Variants in DNAJC14 observed in about 807,000 individuals in gnomAD.
DNAJC14 encodes the protein dnaJ homolog subfamily C member 14.
Under a neutral mutation model 68.8 loss-of-function variants are expected in DNAJC14, and 12 were observed. The observed-to-expected ratio is 0.17, with a 90% confidence interval of 0.11 to 0.28. The LOEUF is 0.28. Among genes scored for constraint, DNAJC14 ranks in the 10% least tolerant of loss-of-function variants. The probability of loss-of-function intolerance (pLI) is 1.00; values close to 1 mark genes in which losing one functional copy is unlikely to be tolerated. For missense variants in DNAJC14, 764 were observed against 875.6 expected, an observed-to-expected ratio of 0.87 and a Z score of 1.61; for synonymous variants, 350 against 321.5, an observed-to-expected ratio of 1.09 and a Z score of -0.95.
chr12:55,822,234 G>A (rs1260037509), intron 6 of DNAJC14, 47 bp from the exon 7 acceptor site: 2 of 1,537,222 alleles, frequency 1.3e-6, no homozygotes, highest in Non-Finnish European at 1.8e-6. Flanking sequence ...AGAGTCATAT[G>A]GTTACCTAAG....
intron 2 of DNAJC14, among the ~76,000 whole-genome samples, chr12:55,825,542 CTTTTTT>C (rs11375162): frequency 8.2e-6 from 1 of 122,050 alleles, no homozygotes; most frequent in African/African-American, 3.1e-5. Context: ...TGCACACCCT[CTTTTTT>C]TTTTTTTTTT....
upstream of DNAJC14, chr12:55,829,704 C>G: frequency 1.4e-6 from 1 of 725,080 alleles, no homozygotes; most frequent in South Asian, 6.2e-5. Flanking sequence ...GCAAGCCAAT[C>G]CAGCTAGGGC....
In DNAJC14 at chr12:55,822,123, G is replaced by T. The variant is rs774832718; in HGVS notation, c.1963C>A (p.Pro655Thr). 5 of 1,610,114 alleles carry T rather than the reference G, an allele frequency of 3.1e-6. No homozygotes were observed. The highest frequency in any genetic ancestry group is 4.2e-6 in the Non-Finnish European group (5 of 1,178,736). ...AAGTTCCCATTGGGCATCTGCCCTG[G>T]GGGTACTTGAAAGATCCGACTCAAG... ...DFLSRIFQVP[P>T]GQMPNGNFFA... The change falls in exon 7 of 7, where the codon CCA (proline) becomes ACA (threonine). Residue 655 changes from proline to threonine, a missense_variant. By Grantham distance (38) the Pro-to-Thr change is conservative. Around this residue, in one of 4 missense-constraint regions of DNAJC14, gnomAD observed 134 missense variants for 162.3 expected, o/e 0.83. Coordinates refer to ENST00000678005, the MANE Select transcript of DNAJC14 (RefSeq NM_032364.6).
upstream of DNAJC14, chr12:55,829,694 G>A (rs1457939832): frequency 8.4e-5 from 69 of 825,810 alleles, no homozygotes; most frequent in Non-Finnish European, 9.9e-5. Context: ...TGGCTGAGAG[G>A]CAAGCCAATC....
Position 55,828,613 on chromosome 12 carries a change from G to C in DNAJC14, c.46C>G (p.His16Asp), listed in dbSNP as rs1026992657. 2 of 1,614,118 alleles carry C rather than the reference G, an allele frequency of 1.2e-6. No homozygotes were observed. The highest frequency in any genetic ancestry group is 1.7e-6 in the Non-Finnish European group (2 of 1,179,994). ...PGERGLYGAH[H>D]SGGASLRTLG... ...GTCCTGAGGGAGGCACCACCACTGT[G>C]GTGGGCTCCATACAACCCTCTTTCT... is the stretch of plus-strand genomic sequence containing the variant. The change falls in exon 2 of 7, where the codon CAC becomes GAC. Residue 16 changes from histidine to aspartate, a missense_variant. Coordinates refer to ENST00000678005, the MANE Select transcript of DNAJC14 (RefSeq NM_032364.6).
chr12:55,829,173 A>G (rs996235165), intron 1 of DNAJC14: 1 of 985,936 alleles, frequency 1.0e-6, no homozygotes, highest in African/African-American at 1.7e-5. Context: ...GTGGCCGGGC[A>G]CCGTGGCTCA....
Position 55,827,514 on chromosome 12 carries a change from C to T in DNAJC14, c.1145G>A (p.Arg382Lys). Residue 382 changes from arginine to lysine, a missense_variant, in exon 2 of 7, where the codon AGA (arginine) becomes AAA (lysine). This residue lies in a region of DNAJC14 where 514 missense variants were observed against 521.7 expected (regional missense o/e 0.99). Transcript: ENST00000678005. ...PALQRCLTLLRDSRPWQRLVR... is the reference protein window; with the variant it reads ...PALQRCLTLLKDSRPWQRLVR... ...CAGCCGCTGCCATGGCCTGCTATCT[C>T]TCAGCAGAGTCAAGCAACGCTGCAA... The T allele has an allele frequency of 1.9e-6, 3 of 1,605,400 alleles. No homozygotes were observed. Among genetic ancestry groups the T allele is most frequent in the Non-Finnish European group, 2.6e-6 (3 of 1,172,714 alleles).
In DNAJC14 at chr12:55,822,742, A is replaced by G. The variant is rs1363232081; in HGVS notation, c.1635-10T>C. The G allele has an allele frequency of 6.2e-7, 1 of 1,613,532 alleles. No individual in the cohort carries two copies. Among genetic ancestry groups the G allele is most frequent in the African/African-American group, 1.3e-5 (1 of 74,890 alleles). ...GTCCATTTCAAACCTCCTGCAACCA[A>G]CAAAAGGATAGTTCCTTAATAATTT... On this transcript the variant is annotated splice_polypyrimidine_tract_variant and intron_variant, in intron 4 of 6. Transcript: ENST00000678005.
chr12:55,822,772 A>G lies in DNAJC14; in HGVS notation c.1635-40T>C, dbSNP rs200228738. On this transcript the variant is annotated intron_variant, in intron 4 of 6. Coordinates refer to ENST00000678005, the MANE Select transcript of DNAJC14 (RefSeq NM_032364.6). The stretch of plus-strand genomic sequence containing the variant: ...AGGATAGTTCCTTAATAATTTGTCA[A>G]GCCTACCTAGGGCACTGCTAGTAGT... 1.6e-4 allele frequency: 254 copies of G among 1,608,410 alleles called. No homozygotes were observed. In the Middle Eastern group the frequency reaches 2.5e-3, roughly 16 times the overall value.
intron 2 of DNAJC14, among the ~76,000 whole-genome samples, chr12:55,823,995 T>C (rs970933102): frequency 6.6e-6 from 1 of 151,642 alleles, no homozygotes; most frequent in Non-Finnish European, 1.5e-5. Context: ...TGTGCCATCA[T>C]GAATATCTAT....
chr12:55,823,588 C>T, intron 2 of DNAJC14, 80 bp from the exon 3 acceptor site: 1 of 1,224,328 alleles, frequency 8.2e-7, no homozygotes, highest in Non-Finnish European at 1.2e-6. Context: ...TCAAAGGGTT[C>T]TCTTTCATCA....
In DNAJC14 at chr12:55,827,754, G is replaced by A; in HGVS notation, c.905C>T (p.Ala302Val). Residue 302 changes from alanine (A) to valine (V), a missense_variant, in exon 2 of 7, where the codon GCC (alanine) becomes GTC (valine). Ala to Val is a moderately conservative substitution (Grantham distance 64). Coordinates refer to ENST00000678005, the MANE Select transcript of DNAJC14 (RefSeq NM_032364.6). Reference sequence around the variant, plus strand: ...GCTTAGAAACTGAAACATGACCTGGGCCCAGCCCCCTAACCGCCCTGTCCA... The same window carrying A: ...GCTTAGAAACTGAAACATGACCTGGACCCAGCCCCCTAACCGCCCTGTCCA... ...GVWTGRLGGW[A>V]QVMFQFLSQG... is the part of the protein sequence containing the mutation. 1 of 1,613,990 alleles carries A rather than the reference G, an allele frequency of 6.2e-7. No individual in the cohort carries two copies. Among genetic ancestry groups the A allele is most frequent in the Non-Finnish European group, 8.5e-7 (1 of 1,179,968 alleles).
At position 55,821,365 on chromosome 12, in the gene DNAJC14, G is replaced by A. The variant is rs1880661212; in HGVS notation, c.*612C>T. 1 of 152,646 alleles carries A rather than the reference G, an allele frequency of 6.6e-6. No homozygotes were observed. The highest frequency in any genetic ancestry group is 1.5e-5 in the Non-Finnish European group (1 of 68,056). 9.5% of individuals were successfully genotyped at this position (152,646 alleles called of 1,614,324 possible). A position where few individuals can be genotyped will look rare whatever the true frequency, so the allele number is the denominator to read the frequency against. On this transcript the variant is annotated 3_prime_UTR_variant, in exon 7 of 7. Transcript: ENST00000678005. ...CTCCCTCCTGAAATGGGTCAAGAAA[G>A]AAGATAGACTTGTAGCTTTAAAAGG...
rs1425552012 is a variant in DNAJC14, at chr12:55,828,334, T to C, written c.325A>G (p.Lys109Glu). The C allele has an allele frequency of 6.2e-7, 1 of 1,613,778 alleles. No individual in the cohort carries two copies. Among genetic ancestry groups the C allele is most frequent in the Non-Finnish European group, 8.5e-7 (1 of 1,179,920 alleles). The change falls in exon 2 of 7, where the codon AAA (lysine) becomes GAA (glutamate). Residue 109 changes from lysine (K) to glutamate (E), a missense_variant. Physicochemically the swap from Lys to Glu is moderately conservative, Grantham distance 56 (BLOSUM62 1). Transcript: ENST00000678005. Reference protein sequence around the residue: ...EESGVDQELSKENETGNQKDG... With the variant: ...EESGVDQELSEENETGNQKDG... ...TTCTGGTTCCCAGTCTCGTTTTCTT[T>C]TGAGAGTTCCTGGTCCACTCCTGAT...
rs557810095 is a variant in DNAJC14 at position 55,824,700 on chromosome 12, G to A, written c.1408-1192C>T. ...GAACTTAACTACATCTCTACTTCAA[G>A]AGAAATTGAAAAATGAGAATTTTTG... On this transcript the variant is annotated intron_variant, in intron 2 of 6. Coordinates refer to ENST00000678005, the MANE Select transcript of DNAJC14 (RefSeq NM_032364.6). 4.2e-4 allele frequency among the ~76,000 whole-genome samples: 64 copies of A among 152,250 alleles called. No individual in the cohort carries two copies. In the Middle Eastern group the frequency reaches 0.014, roughly 32 times the overall value.
Position 55,827,475 on chromosome 12 carries a change from T to C in DNAJC14, c.1184A>G (p.Gln395Arg). 5 of 1,602,804 alleles carry C rather than the reference T, an allele frequency of 3.1e-6. No individual in the cohort carries two copies. The highest frequency in any genetic ancestry group is 4.3e-6 in the Non-Finnish European group (5 of 1,171,014). The part of the protein sequence containing the change: ...RPWQRLVRIV[Q>R]WGWLELPWVK... ...CCAAGGCAACTCCAGCCAGCCCCACTGAACTATTCTTACCAGCCGCTGCCA... is the reference window on the plus strand; with the variant it reads ...CCAAGGCAACTCCAGCCAGCCCCACCGAACTATTCTTACCAGCCGCTGCCA... Residue 395 changes from glutamine (Q) to arginine (R), a missense_variant, in exon 2 of 7, where the codon CAG becomes CGG. By Grantham distance (43) the Gln-to-Arg change is conservative. Around this residue, in one of 4 missense-constraint regions of DNAJC14, gnomAD observed 514 missense variants for 521.7 expected, o/e 0.99. Transcript: ENST00000678005.
intron 2 of DNAJC14, among the ~76,000 whole-genome samples, chr12:55,826,521 G>C (rs1477606519): frequency 6.6e-6 from 1 of 152,132 alleles, no homozygotes; most frequent in African/African-American, 2.4e-5. Context: ...ATGTTAACCA[G>C]CTGGGCACAG....
At chr12:55,823,221 G>C in intron 3 of DNAJC14, 32 bp from the exon 4 acceptor site, 1 of 1,613,790 alleles carries the variant, frequency 6.2e-7, no homozygotes, top group Non-Finnish European at 8.5e-7. Context: ...AAGTCAGAAG[G>C]TATTGAGGGA....
Position 55,821,957 on chromosome 12 carries a change from T to G in DNAJC14, c.*20A>C. The G allele has an allele frequency of 6.3e-7, 1 of 1,596,624 alleles. No individual in the cohort carries two copies. ...GCCCTTTTGACTCCCTGACATTGAT[T>G]TGAGGAAAGAGAAGGGGCATCAACG... On this transcript the variant is annotated 3_prime_UTR_variant, in exon 7 of 7. Transcript: ENST00000678005.
Sources: allele counts gnomAD v4.1 joint callset (sites outside exome capture counted in the v4.1 genomes callset), GRCh38; gene constraint gnomAD v4.1.1; regional missense constraint gnomAD v4.1.1; transcripts MANE v1.5; gene names NCBI Gene and HGNC (gene_info 2026-07-23, HGNC 2026-07-21).